The following KIAA1217 variants were observed in gnomAD, a reference collection of about 807,000 sequenced individuals.
The protein encoded by KIAA1217 is sickle tail protein homolog.
Under a neutral mutation model 163.9 loss-of-function variants are expected in KIAA1217, and 88 were observed. The ratio of observed to expected loss-of-function variants is 0.54; its 90% CI spans 0.45 to 0.64. The LOEUF (loss-of-function observed/expected upper bound fraction) is 0.64. KIAA1217 is among the 30% of genes least tolerant of loss of function. The pLI is 0.00. For missense variants in KIAA1217, 2,372 were observed against 2,475.0 expected, an observed-to-expected ratio of 0.96 and a Z score of 0.88; for synonymous variants, 903 against 923.1, an observed-to-expected ratio of 0.98 and a Z score of 0.39.
At chr10:24,278,518 A>G (rs535185156) in intron 2 of KIAA1217, among the ~76,000 whole-genome samples, 8 of 152,216 alleles carry the variant, frequency 5.3e-5, no homozygotes, top group Non-Finnish European at 1.2e-4. Context: ...GGCAAGTGGC[A>G]GACACAATGT....
intron 2 of KIAA1217, among the ~76,000 whole-genome samples, chr10:24,222,075 C>T (rs1250156867): frequency 6.6e-6 from 1 of 152,110 alleles, no homozygotes; most frequent in Non-Finnish European, 1.5e-5. Context: ...TATTGTTACT[C>T]TTCTTATTTG....
intron 1 of KIAA1217, among the ~76,000 whole-genome samples, chr10:23,852,472 G>C (rs1180476860): frequency 2.0e-5 from 3 of 152,040 alleles, no homozygotes; most frequent in Non-Finnish European, 4.4e-5. Context: ...TTGTTCTTTT[G>C]GCTTAGGATT....
intron 2 of KIAA1217, among the ~76,000 whole-genome samples, chr10:24,129,896 A>G (rs2063591682): frequency 6.6e-6 from 1 of 152,018 alleles, no homozygotes; most frequent in Non-Finnish European, 1.5e-5. Flanking sequence ...TGTGTCTCTC[A>G]TGATCAAGGG....
chr10:24,360,926 T>A (rs2049900561), intron 2 of KIAA1217, among the ~76,000 whole-genome samples: 1 of 151,324 alleles, frequency 6.6e-6, no homozygotes, highest in African/African-American at 2.4e-5. Context: ...TAGAAACAAA[T>A]CAGAAAAGCA....
At chr10:23,949,090 A>C (rs1844199937) in intron 1 of KIAA1217, among the ~76,000 whole-genome samples, 3 of 152,226 alleles carry the variant, frequency 2.0e-5, no homozygotes, top group African/African-American at 7.2e-5. Flanking sequence ...GAATCAGAGA[A>C]GATTCCTTAC....
intron 5 of KIAA1217, among the ~76,000 whole-genome samples, chr10:24,443,570 G>A (rs376938988): frequency 4.6e-5 from 7 of 151,786 alleles, no homozygotes; most frequent in Non-Finnish European, 1.0e-4. Flanking sequence ...AAAAAAAAGT[G>A]GGGGAGGGAG....
At chr10:24,090,164 C>CTTTTTTTTTTTTTT (rs1162687231) in intron 2 of KIAA1217, among the ~76,000 whole-genome samples, 10 of 109,238 alleles carry the variant, frequency 9.2e-5, no homozygotes, top group East Asian at 2.6e-4. Context: ...TTTTCTTTTT[C>CTTTTTTTTTTTTTT]TTTTTTTTTT....
chr10:24,335,626 T>TTATTTATA (rs2046265386), intron 2 of KIAA1217, among the ~76,000 whole-genome samples: 1 of 114,488 alleles, frequency 8.7e-6, no homozygotes, highest in Non-Finnish European at 1.9e-5. Context: ...ATTTATTTAT[T>TTATTTATA]GGAGATGGAG....
At chr10:24,023,282 C>T (rs752902472) in intron 2 of KIAA1217, among the ~76,000 whole-genome samples, 3 of 151,540 alleles carry the variant, frequency 2.0e-5, no homozygotes, top group Non-Finnish European at 4.4e-5. Flanking sequence ...CACACTTTGA[C>T]GAGGGAAGAG....
rs544269504 is a variant in KIAA1217, at chr10:23,820,211, C to A, written c.-321+124977C>A. Among the ~76,000 whole-genome samples, 321 of 152,314 alleles carry A rather than the reference C, an allele frequency of 2.1e-3. 2 individuals carry two copies. The highest frequency in any genetic ancestry group is 7.5e-3 in the African/African-American group (311 of 41,580). ...ATTCTGAGTAAATCCTGTTTCCTGA[C>A]TCCTAGTTCAACACTGTCTCTTCTA... On this transcript the variant is annotated intron_variant, in intron 1 of 18. Coordinates refer to the KIAA1217 transcript ENST00000376462.
chr10:24,387,045 G>C (rs538371298), intron 3 of KIAA1217, among the ~76,000 whole-genome samples: 16 of 152,304 alleles, frequency 1.1e-4, no homozygotes, highest in African/African-American at 3.9e-4. Context: ...TAAGTTCATG[G>C]TCAGGCTCTT....
intron 2 of KIAA1217, among the ~76,000 whole-genome samples, chr10:24,009,000 T>C (rs911154082): frequency 7.6e-4 from 115 of 152,302 alleles, no homozygotes; most frequent in African/African-American, 2.6e-3. Context: ...GAGTCAACCT[T>C]TTATGGATGC....
chr10:24,151,873 G>C (rs2064632196), intron 2 of KIAA1217, among the ~76,000 whole-genome samples: 1 of 152,092 alleles, frequency 6.6e-6, no homozygotes, highest in South Asian at 2.1e-4. Context: ...TCACACAGCT[G>C]GTTAGTGGCA....
intron 4 of KIAA1217, among the ~76,000 whole-genome samples, chr10:24,434,420 C>G (rs35660454): frequency 6.6e-6 from 1 of 152,082 alleles, no homozygotes; most frequent in Admixed American, 6.5e-5. Context: ...TCAGTGCAGC[C>G]TCGACCTTCT....
chr10:23,916,832 T>C (rs1842648639), intron 1 of KIAA1217, among the ~76,000 whole-genome samples: 1 of 151,798 alleles, frequency 6.6e-6, no homozygotes, highest in Non-Finnish European at 1.5e-5. Context: ...ATTAGCTGGA[T>C]GTGGTGGCGT....
intron 1 of KIAA1217, among the ~76,000 whole-genome samples, chr10:23,972,941 A>G (rs1443942637): frequency 1.3e-5 from 2 of 152,056 alleles, no homozygotes; most frequent in African/African-American, 4.8e-5. Flanking sequence ...GGAACAACAC[A>G]CACTGGGGCC....
At chr10:23,876,083 G>C (rs1360966795) in intron 1 of KIAA1217, among the ~76,000 whole-genome samples, 1 of 149,900 alleles carries the variant, frequency 6.7e-6, no homozygotes, top group Non-Finnish European at 1.5e-5. Flanking sequence ...ATGTACCCTA[G>C]AACTTAAAGT....
At chr10:23,775,341 G>A (rs1277367770) in intron 1 of KIAA1217, among the ~76,000 whole-genome samples, 6 of 152,188 alleles carry the variant, frequency 3.9e-5, no homozygotes, top group African/African-American at 9.7e-5. Flanking sequence ...ACCCATAGGA[G>A]GAACGGAGAT....
chr10:24,204,925 C>G (rs1384822971), upstream of KIAA1217, among the ~76,000 whole-genome samples: 1 of 152,224 alleles, frequency 6.6e-6, no homozygotes, highest in African/African-American at 2.4e-5. Flanking sequence ...GGTTGAAACA[C>G]TTTTGTTGAC....
Sources: allele counts gnomAD v4.1 joint callset (sites outside exome capture counted in the v4.1 genomes callset), GRCh38; gene constraint gnomAD v4.1.1; transcripts MANE v1.5; gene names NCBI Gene and HGNC (gene_info 2026-07-23, HGNC 2026-07-21).